The following PTPRN2 variants were observed in gnomAD, a reference collection of about 807,000 sequenced individuals.
The protein encoded by PTPRN2 is protein tyrosine phosphatase receptor type N2.
Under a neutral mutation model 118.8 loss-of-function variants are expected in PTPRN2, and 74 were observed. The observed-to-expected ratio is 0.62, with a 90% CI of 0.52 to 0.76. The LOEUF (loss-of-function observed/expected upper bound fraction) is 0.76, where lower values mean the gene tolerates loss of function less well. Among genes scored for constraint, PTPRN2 ranks in the 30% least tolerant of loss-of-function variants. PTPRN2 has a pLI of 0.00. For synonymous variants in PTPRN2, 641 were observed against 608.0 expected (o/e 1.05, Z -0.80); for missense variants, 1,481 against 1,394.4 (o/e 1.06, Z -0.99).
intron 6 of PTPRN2, among the ~76,000 whole-genome samples, chr7:158,163,070 G>A (rs983922835): frequency 6.6e-6 from 1 of 152,194 alleles, no homozygotes; most frequent in Non-Finnish European, 1.5e-5. Flanking sequence ...GAAATCATTC[G>A]ATGTCTGGAT....
chr7:157,962,730 C>T (rs1801635514), intron 11 of PTPRN2, among the ~76,000 whole-genome samples: 1 of 152,130 alleles, frequency 6.6e-6, no homozygotes, highest in South Asian at 2.1e-4. Context: ...ACACCTGTTC[C>T]TATTACAGAC....
At chr7:157,765,759 T>C (rs1802425219) in intron 12 of PTPRN2, among the ~76,000 whole-genome samples, 1 of 141,492 alleles carries the variant, frequency 7.1e-6, no homozygotes, top group South Asian at 2.5e-4. Context: ...CCTTCTTTCA[T>C]CCACCCAAAC....
chr7:158,384,552 T>G (rs1241016493), intron 2 of PTPRN2, among the ~76,000 whole-genome samples: 2 of 152,098 alleles, frequency 1.3e-5, no homozygotes, highest in East Asian at 1.9e-4. Context: ...AAGAAGGCGC[T>G]TCAACAGGCA....
intron 2 of PTPRN2, among the ~76,000 whole-genome samples, chr7:158,405,521 G>T (rs1028213871): frequency 1.3e-5 from 2 of 152,206 alleles, no homozygotes; most frequent in Middle Eastern, 6.3e-3. Flanking sequence ...CTCCACACTG[G>T]AAGGGAACAA....
Position 158,247,672 on chromosome 7 carries a change from T to A in PTPRN2, c.278-42399A>T, listed in dbSNP as rs1449303931. 3.9e-5 allele frequency among the ~76,000 whole-genome samples: 6 copies of A among 152,110 alleles called. No individual in the cohort carries two copies. In the East Asian group the frequency reaches 9.6e-4, roughly 24 times the overall value. On this transcript the variant is annotated intron_variant, in intron 3 of 22. Coordinates refer to ENST00000389418, the MANE Select transcript of PTPRN2 (RefSeq NM_002847.5). The stretch of plus-strand genomic sequence containing the variant: ...ATTCTTGTGGCCCAGGCTGGAGTGC[T>A]ATGGTGCGATCTTGGCTCACTGCAA...
chr7:157,642,879 C>T (rs1201221063), intron 14 of PTPRN2, among the ~76,000 whole-genome samples: 1 of 138,948 alleles, frequency 7.2e-6, no homozygotes, highest in East Asian at 2.3e-4. Flanking sequence ...ACAGTGGGTG[C>T]CATTTACCTA....
At chr7:158,242,018 G>A (rs1459373842) in intron 3 of PTPRN2, among the ~76,000 whole-genome samples, 1 of 152,100 alleles carries the variant, frequency 6.6e-6, no homozygotes, top group Admixed American at 6.6e-5. Context: ...GTGGAGCCTT[G>A]TTTGCTTGCT....
At position 157,764,208 on chromosome 7, in the gene PTPRN2, A is replaced by G. The variant is rs1217603605; in HGVS notation, c.1789-81271T>C. Among the ~76,000 whole-genome samples, 1 of 152,204 alleles carries G rather than the reference A, an allele frequency of 6.6e-6. No individual in the cohort carries two copies. The highest frequency in any genetic ancestry group is 1.5e-5 in the Non-Finnish European group (1 of 68,028). On this transcript the variant is annotated intron_variant, in intron 12 of 22. Transcript: ENST00000389418. This position sits in a 1 kb window ranked among gnomAD's most constrained non-coding sequence, Gnocchi z 4.5. ...AAACTAACCACAGAATCAGCCCAGG[A>G]CCCAGCAGTTCCACCAGGGGCATAT...
chr7:157,907,824 T>C (rs541397404), intron 11 of PTPRN2, among the ~76,000 whole-genome samples: 1 of 152,282 alleles, frequency 6.6e-6, no homozygotes, highest in Non-Finnish European at 1.5e-5. Flanking sequence ...AGGCCCTGAC[T>C]GGCATCTGTT....
chr7:158,003,275 G>T lies in PTPRN2; in HGVS notation c.1723+78023C>A, dbSNP rs1013863124. Among the ~76,000 whole-genome samples the T allele has an allele frequency of 1.1e-4, 17 of 151,916 alleles. No individual in the cohort carries two copies. The East Asian group carries it at 3.3e-3, about 29-fold the overall frequency. ...TAAAAATACAAAAAATTAGCCGGGC[G>T]TGTTGGCGGGCGCCTGTAGTCCCAG... is the stretch of plus-strand genomic sequence containing the variant. On this transcript the variant is annotated intron_variant, in intron 11 of 22. Coordinates refer to ENST00000389418, the MANE Select transcript of PTPRN2 (RefSeq NM_002847.5). The surrounding 1 kb of genome is among the most constrained non-coding windows in gnomAD (Gnocchi z 5.0).
chr7:157,644,315 G>T (rs893442873), intron 14 of PTPRN2, among the ~76,000 whole-genome samples: 1 of 152,196 alleles, frequency 6.6e-6, no homozygotes, highest in African/African-American at 2.4e-5. Flanking sequence ...GGAGGAACAA[G>T]CCCTGCCTGC....
At chr7:157,979,249 A>G in intron 11 of PTPRN2, among the ~76,000 whole-genome samples, 1 of 148,908 alleles carries the variant, frequency 6.7e-6, no homozygotes, top group Non-Finnish European at 1.5e-5. Flanking sequence ...AAAATACCTG[A>G]AGGAGATGAG....
At position 158,330,900 on chromosome 7, in the gene PTPRN2, G is replaced by T. The variant is rs1181907835; in HGVS notation, c.164-13968C>A. ...ATTCACACCCAAACTCTCACCATAA[G>T]AGCTGACACCTGCAGACGTCACTCA... On this transcript the variant is annotated intron_variant, in intron 2 of 22. Coordinates refer to ENST00000389418, the MANE Select transcript of PTPRN2 (RefSeq NM_002847.5). Among the ~76,000 whole-genome samples, 6 of 105,706 alleles carry T rather than the reference G, an allele frequency of 5.7e-5. 1 individual carries two copies. Among genetic ancestry groups the T allele is most frequent in the Non-Finnish European group, 7.9e-5 (4 of 50,924 alleles). 69.3% of individuals were successfully genotyped at this position (105,706 alleles called of 152,430 possible).
chr7:158,001,379 T>C (rs1805249047), intron 11 of PTPRN2, among the ~76,000 whole-genome samples: 2 of 151,972 alleles, frequency 1.3e-5, no homozygotes, highest in Admixed American at 6.6e-5. Flanking sequence ...AGAGTTCACG[T>C]GCAAAGAATG....
At chr7:158,008,420 A>T (rs1805815995) in intron 11 of PTPRN2, among the ~76,000 whole-genome samples, 1 of 152,244 alleles carries the variant, frequency 6.6e-6, no homozygotes, top group Admixed American at 6.5e-5. Context: ...AGGTCTGTGC[A>T]TTTCAACTCA....
intron 2 of PTPRN2, among the ~76,000 whole-genome samples, chr7:158,327,460 CAT>C (rs1298219038): frequency 3.5e-5 from 5 of 142,778 alleles, no homozygotes; most frequent in African/African-American, 7.4e-5. Flanking sequence ...CCTGCTCACA[CAT>C]GTACACGTTC....
chr7:157,827,016 C>G (rs1325357720), intron 12 of PTPRN2, among the ~76,000 whole-genome samples: 2 of 152,164 alleles, frequency 1.3e-5, no homozygotes, highest in Non-Finnish European at 2.9e-5. Flanking sequence ...CCAGCAGACA[C>G]ATTGCACTAG....
chr7:157,878,715 T>C (rs1189350148), intron 12 of PTPRN2, among the ~76,000 whole-genome samples: 119 of 98,974 alleles, frequency 1.2e-3, no homozygotes, highest in South Asian at 5.1e-3. Flanking sequence ...ACTTACTCAC[T>C]GAGGAGCTCT....
intron 17 of PTPRN2, among the ~76,000 whole-genome samples, chr7:157,592,769 G>A (rs1801063009): frequency 2.1e-5 from 3 of 144,528 alleles, no homozygotes; most frequent in South Asian, 4.5e-4. Context: ...CTACTGAACC[G>A]AGGGTGGATG....
Sources: gnomAD v4.1 joint callset for allele counts (sites outside exome capture counted in the v4.1 genomes callset) on GRCh38, gnomAD v4.1.1 for gene constraint, Gnocchi (gnomAD v3.1) non-coding constraint, MANE v1.5 for transcripts, NCBI Gene and HGNC (gene_info 2026-07-23, HGNC 2026-07-21) for gene names.